Variants in PICALM observed in about 807,000 individuals in gnomAD.
PICALM encodes phosphatidylinositol binding clathrin assembly protein.
In PICALM, 40 loss-of-function variants were observed where a neutral mutation model predicts 80.5. That is an observed-to-expected ratio of 0.50 (90% CI 0.39 to 0.65). The LOEUF (loss-of-function observed/expected upper bound fraction) is 0.65. PICALM is among the 30% of genes least tolerant of loss of function. The pLI is 0.00. For missense variants in PICALM, 676 were observed against 778.9 expected (o/e 0.87, Z 1.57); for synonymous variants, 288 against 260.3 (o/e 1.11, Z -1.02).
At chr11:86,049,156 G>A (rs115047385) in intron 1 of PICALM, among the ~76,000 whole-genome samples, 8 of 151,898 alleles carry the variant, frequency 5.3e-5, no homozygotes, top group Admixed American at 2.0e-4. Flanking sequence ...AGTCAGGCAC[G>A]GTGGGTGCAC....
chr11:86,010,955 G>A (rs2095384454), intron 7 of PICALM, 75 bp downstream of exon 7: 5 of 693,124 alleles, frequency 7.2e-6, no homozygotes, highest in Non-Finnish European at 1.3e-5. Context: ...TATTTGGATA[G>A]TGAGTGATGA....
intron 18 of PICALM, among the ~76,000 whole-genome samples, chr11:85,975,160 C>T (rs1022028767): frequency 1.3e-5 from 2 of 152,160 alleles, no homozygotes; most frequent in Non-Finnish European, 1.5e-5. Context: ...AAACTTAAGA[C>T]TCTGTCTTCG....
At chr11:86,066,218 C>A (rs997775515) in intron 1 of PICALM, among the ~76,000 whole-genome samples, 1 of 152,092 alleles carries the variant, frequency 6.6e-6, no homozygotes, top group East Asian at 1.9e-4. Context: ...GTTTAGTAAA[C>A]CACTCACTGG....
chr11:85,968,945 TCAACACACA>T (rs1336862442), intron 19 of PICALM, among the ~76,000 whole-genome samples: 1 of 118,712 alleles, frequency 8.4e-6, no homozygotes, highest in African/African-American at 3.3e-5. Context: ...GAAAAATGAC[TCAACACACA>T]CACACACACA....
At chr11:86,031,298 G>A (rs1453622025) in intron 2 of PICALM, among the ~76,000 whole-genome samples, 171 bp downstream of exon 2, 1 of 152,030 alleles carries the variant, frequency 6.6e-6, no homozygotes, top group Non-Finnish European at 1.5e-5. Context: ...CCCACTTTTT[G>A]CTTTCTGGCT....
intron 3 of PICALM, among the ~76,000 whole-genome samples, chr11:86,024,376 T>C (rs1473860842): frequency 3.3e-5 from 5 of 150,372 alleles, no homozygotes; most frequent in Non-Finnish European, 7.4e-5. Flanking sequence ...GAAACAAGTA[T>C]TGGACTGAAC....
chr11:86,024,214 AT>A (rs1232984242), intron 3 of PICALM, among the ~76,000 whole-genome samples: 4 of 151,694 alleles, frequency 2.6e-5, no homozygotes, highest in Admixed American at 1.3e-4. Flanking sequence ...TACTGTTTTA[AT>A]TTTTTTTCCT....
At chr11:86,000,536 T>C (rs1472779614) in intron 11 of PICALM, 107 bp downstream of exon 11, 9 of 790,252 alleles carry the variant, frequency 1.1e-5, no homozygotes, top group South Asian at 9.8e-5. Flanking sequence ...TTTGTGTGAA[T>C]AGATTATAAA....
chr11:85,991,491 C>A (rs1003558905), intron 12 of PICALM, among the ~76,000 whole-genome samples: 3 of 150,406 alleles, frequency 2.0e-5, no homozygotes, highest in Admixed American at 1.3e-4. Flanking sequence ...CCTTTAAAGT[C>A]AAAAAATTCA....
Position 85,958,920 on chromosome 11 carries a change from T to C in PICALM, c.*126A>G, listed in dbSNP as rs1042922816. 1 of 635,850 alleles carries C rather than the reference T, an allele frequency of 1.6e-6. No individual in the cohort carries two copies. The highest frequency in any genetic ancestry group is 2.8e-6 in the Non-Finnish European group (1 of 359,516). 39.4% of individuals were successfully genotyped at this position (635,850 alleles called of 1,614,324 possible). A position where few individuals can be genotyped will look rare whatever the true frequency, so the allele number is the denominator to read the frequency against. On this transcript the variant is annotated 3_prime_UTR_variant, in exon 20 of 20. Transcript: ENST00000393346. ...TCATGGGCCTTCACTGAGTTACTTGTAGCATTCTAATGGAAGAAGAGAGTT... is the reference window on the plus strand; with the variant it reads ...TCATGGGCCTTCACTGAGTTACTTGCAGCATTCTAATGGAAGAAGAGAGTT...
intron 1 of PICALM, among the ~76,000 whole-genome samples, chr11:86,067,876 A>T (rs2096468429): frequency 6.6e-6 from 1 of 152,216 alleles, no homozygotes; most frequent in Non-Finnish European, 1.5e-5. Flanking sequence ...AGTATGGACA[A>T]CACAACGATT....
intron 8 of PICALM, among the ~76,000 whole-genome samples, chr11:86,005,896 A>G (rs1241999766): frequency 6.6e-6 from 1 of 152,186 alleles, no homozygotes; most frequent in African/African-American, 2.4e-5. Flanking sequence ...TCAGCCAAAG[A>G]ATGCCTGGCA....
chr11:86,035,445 G>A (rs1182252622), intron 1 of PICALM, among the ~76,000 whole-genome samples: 2 of 152,084 alleles, frequency 1.3e-5, no homozygotes, highest in African/African-American at 4.8e-5. Context: ...ACCCGAATAA[G>A]ATTTTCTAAA....
At chr11:85,973,489 T>C (rs926811759) in intron 19 of PICALM, among the ~76,000 whole-genome samples, 3 of 152,324 alleles carry the variant, frequency 2.0e-5, no homozygotes, top group African/African-American at 7.2e-5. Context: ...TTTATTACAG[T>C]ACACTGTTAC....
At chr11:85,990,192 A>G in intron 13 of PICALM, 58 bp downstream of exon 13, 1 of 953,578 alleles carries the variant, frequency 1.0e-6, no homozygotes, top group Non-Finnish European at 1.5e-6. Flanking sequence ...ATGGACACGT[A>G]AAATATAGTT....
rs149449014 is a variant in PICALM at position 86,039,240 on chromosome 11, A to G, written c.131-7629T>C. 2.5e-3 allele frequency among the ~76,000 whole-genome samples: 380 copies of G among 152,218 alleles called. 13 individuals carry two copies. Among genetic ancestry groups the G allele is most frequent in the Admixed American group, 0.021 (317 of 15,282 alleles). Reference sequence around the variant, plus strand: ...CCCACACTTAAAAATTAGAAAATGTAAAAATAGAGTGGAACATGGTGACAT... The same window carrying G: ...CCCACACTTAAAAATTAGAAAATGTGAAAATAGAGTGGAACATGGTGACAT... On this transcript the variant is annotated intron_variant, in intron 1 of 19. Transcript: ENST00000393346.
chr11:86,054,991 A>G (rs1204281685), intron 1 of PICALM, among the ~76,000 whole-genome samples: 1 of 152,142 alleles, frequency 6.6e-6, no homozygotes, highest in Non-Finnish European at 1.5e-5. Context: ...AGCACTCCAA[A>G]AAAAATATGA....
intron 3 of PICALM, among the ~76,000 whole-genome samples, chr11:86,024,044 C>T (rs186615691): frequency 6.6e-6 from 1 of 151,964 alleles, no homozygotes; most frequent in Non-Finnish European, 1.5e-5. Context: ...AAGGGAGGAC[C>T]GCTTGAGCCA....
At chr11:86,063,023 T>C (rs1296340688) in intron 1 of PICALM, among the ~76,000 whole-genome samples, 1 of 152,188 alleles carries the variant, frequency 6.6e-6, no homozygotes, top group Non-Finnish European at 1.5e-5. Flanking sequence ...ACTTCTTTAT[T>C]TTAAGTGAGA....
Sources: allele counts gnomAD v4.1 joint callset (sites outside exome capture counted in the v4.1 genomes callset), GRCh38; gene constraint gnomAD v4.1.1; transcripts MANE v1.5; gene names NCBI Gene and HGNC (gene_info 2026-07-23, HGNC 2026-07-21).